SPOCK1: variants seen among roughly 807,000 people sequenced by gnomAD.
The protein encoded by SPOCK1 is testican-1.
In SPOCK1, 23 loss-of-function variants were observed where a neutral mutation model predicts 55.3. The observed-to-expected ratio is 0.42, with a 90% CI of 0.30 to 0.59. SPOCK1 has a LOEUF of 0.59. SPOCK1 is among the 20% of genes least tolerant of loss of function. SPOCK1 has a pLI of 0.22. For missense variants in SPOCK1, 499 were observed against 552.5 expected, an observed-to-expected ratio of 0.90 and a Z score of 0.97; for synonymous variants, 226 against 221.0, an observed-to-expected ratio of 1.02 and a Z score of -0.20.
At chr5:137,017,827 G>T (rs562715938) in intron 6 of SPOCK1, among the ~76,000 whole-genome samples, 1 of 152,110 alleles carries the variant, frequency 6.6e-6, no homozygotes, top group Non-Finnish European at 1.5e-5. Context: ...TTCTAAAATC[G>T]AGTATAAAAA....
At chr5:137,456,968 A>G (rs1341769909) in intron 2 of SPOCK1, among the ~76,000 whole-genome samples, 1 of 152,218 alleles carries the variant, frequency 6.6e-6, no homozygotes, top group Non-Finnish European at 1.5e-5. Flanking sequence ...CTATTCAGTA[A>G]ATCTGAAGTA....
chr5:137,038,738 C>T (rs1325758047), intron 6 of SPOCK1, among the ~76,000 whole-genome samples: 2 of 152,004 alleles, frequency 1.3e-5, no homozygotes, highest in Non-Finnish European at 2.9e-5. Flanking sequence ...CAGATGGATG[C>T]CATTACTTGG....
intron 2 of SPOCK1, among the ~76,000 whole-genome samples, chr5:137,312,855 T>C (rs1390578398): frequency 6.6e-6 from 1 of 152,198 alleles, no homozygotes; most frequent in African/African-American, 2.4e-5. Flanking sequence ...GATTCCTTTG[T>C]GTTAGGAGGA....
chr5:137,462,100 G>A (rs535888994), intron 2 of SPOCK1, among the ~76,000 whole-genome samples: 3 of 152,348 alleles, frequency 2.0e-5, no homozygotes, highest in African/African-American at 4.8e-5. Flanking sequence ...AGCCTTAAGC[G>A]AGAGGAAGTG....
chr5:137,064,171 G>GA, intron 6 of SPOCK1, among the ~76,000 whole-genome samples: 1 of 152,160 alleles, frequency 6.6e-6, no homozygotes, highest in East Asian at 1.9e-4. Flanking sequence ...GGATCCCAAA[G>GA]AAAAAGAAAA....
intron 3 of SPOCK1, among the ~76,000 whole-genome samples, chr5:137,240,309 G>C (rs552157598): frequency 6.6e-6 from 1 of 152,294 alleles, no homozygotes; most frequent in East Asian, 1.9e-4. Flanking sequence ...GAAGCACAGT[G>C]GCATCTGCTT....
At chr5:137,313,667 G>T in intron 2 of SPOCK1, 1 of 207,262 alleles carries the variant, frequency 4.8e-6, no homozygotes, top group Non-Finnish European at 8.4e-6. Context: ...GTCTATCCAA[G>T]CTACAACCCA....
At chr5:137,480,303 TCACACACACACACACACACACACA>T (rs6149262) in intron 2 of SPOCK1, among the ~76,000 whole-genome samples, 1 of 140,116 alleles carries the variant, frequency 7.1e-6, no homozygotes, top group Non-Finnish European at 1.5e-5. Flanking sequence ...TTGCTCTCCT[TCACACACACACACACACACACACA>T]CACACACACA....
intron 4 of SPOCK1, among the ~76,000 whole-genome samples, chr5:137,125,923 C>T (rs112689520): frequency 5.2e-4 from 79 of 152,242 alleles, no homozygotes; most frequent in Non-Finnish European, 9.6e-4. Context: ...AAGGAGAGAG[C>T]TATAGAGAAA....
chr5:137,112,382 G>T (rs998318172), intron 5 of SPOCK1, 53 bp downstream of exon 5: 169 of 1,597,268 alleles, frequency 1.1e-4, no homozygotes, highest in Non-Finnish European at 5.0e-5. Flanking sequence ...AGAAGTGTTA[G>T]AACAAGCCGA....
rs115389598 is a variant in SPOCK1, at chr5:137,031,134, C to T, written c.589+36581G>A. Among the ~76,000 whole-genome samples the T allele has an allele frequency of 4.2e-3, 635 of 152,258 alleles. 12 individuals carry two copies. Among genetic ancestry groups the T allele is most frequent in the African/African-American group, 0.014 (593 of 41,544 alleles). On this transcript the variant is annotated intron_variant, in intron 6 of 10. Coordinates refer to ENST00000394945, the MANE Select transcript of SPOCK1 (RefSeq NM_004598.4). ...AACTAACAATAACCACTCAAATTTG[C>T]GTGGGACTCTGTACCATTTCCTAAC...
At chr5:137,263,044 G>C (rs994936787) in intron 3 of SPOCK1, among the ~76,000 whole-genome samples, 1 of 152,196 alleles carries the variant, frequency 6.6e-6, no homozygotes, top group African/African-American at 2.4e-5. Context: ...CACACAGCTA[G>C]TAACTGACAG....
intron 2 of SPOCK1, among the ~76,000 whole-genome samples, chr5:137,439,479 G>A (rs1455246570): frequency 6.6e-6 from 1 of 152,162 alleles, no homozygotes; most frequent in African/African-American, 2.4e-5. Context: ...TAGGGGGTGA[G>A]GGGGCTAAAG....
intron 3 of SPOCK1, among the ~76,000 whole-genome samples, chr5:137,242,580 A>G (rs1320215034): frequency 6.6e-6 from 1 of 152,204 alleles, no homozygotes; most frequent in African/African-American, 2.4e-5. Flanking sequence ...TACCAAAAAA[A>G]TACAAAAATT....
chr5:137,370,169 C>A (rs1561517601), intron 2 of SPOCK1, among the ~76,000 whole-genome samples: 1 of 152,138 alleles, frequency 6.6e-6, no homozygotes, highest in Admixed American at 6.5e-5. Context: ...GATTCTGCAC[C>A]CTTCTCACCC....
At chr5:137,313,692 G>C (rs980187182) in intron 2 of SPOCK1, 3 of 165,686 alleles carry the variant, frequency 1.8e-5, no homozygotes, top group Non-Finnish European at 3.7e-5. Flanking sequence ...TTGGCCAGGA[G>C]GCCACCCTAC....
At chr5:137,096,523 G>C (rs574015761) in intron 5 of SPOCK1, among the ~76,000 whole-genome samples, 11 of 152,068 alleles carry the variant, frequency 7.2e-5, no homozygotes, top group Non-Finnish European at 1.5e-4. Flanking sequence ...GGAAAGAAAC[G>C]GTCCACTCAA....
intron 2 of SPOCK1, among the ~76,000 whole-genome samples, chr5:137,350,946 A>G (rs1305772793): frequency 6.6e-6 from 1 of 152,184 alleles, no homozygotes; most frequent in African/African-American, 2.4e-5. Context: ...CATGCTTCCC[A>G]TGTGTTTCAC....
intron 2 of SPOCK1, among the ~76,000 whole-genome samples, chr5:137,297,477 TAA>T (rs1472968342): frequency 6.6e-6 from 1 of 152,222 alleles, no homozygotes; most frequent in South Asian, 2.1e-4. Context: ...CTCTTAGTGA[TAA>T]GAGACATTTC....
Sources: allele counts gnomAD v4.1 joint callset (sites outside exome capture counted in the v4.1 genomes callset), GRCh38; gene constraint gnomAD v4.1.1; transcripts MANE v1.5; gene names NCBI Gene and HGNC (gene_info 2026-07-23, HGNC 2026-07-21).